Variants in ERN1 observed in about 807,000 individuals in gnomAD.
ERN1 encodes endoplasmic reticulum to nucleus signaling 1, also known as serine/threonine-protein kinase/endoribonuclease IRE1.
Under a neutral mutation model 113.1 loss-of-function variants are expected in ERN1, and 39 were observed. The ratio of observed to expected loss-of-function variants is 0.34; its 90% CI spans 0.27 to 0.45. The LOEUF is 0.45. Among genes scored for constraint, ERN1 ranks in the 20% least tolerant of loss-of-function variants. The pLI, the probability that ERN1 is intolerant of heterozygous loss-of-function variation, is 1.00. For synonymous variants in ERN1, 507 were observed against 515.9 expected, an observed-to-expected ratio of 0.98 and a Z score of 0.23; for missense variants, 976 against 1,274.8, an observed-to-expected ratio of 0.77 and a Z score of 3.57.
intron 8 of ERN1, 21 bp from the exon 9 acceptor site, chr17:64,065,308 T>C (rs942234830): frequency 3.2e-6 from 5 of 1,547,306 alleles, no homozygotes; most frequent in Non-Finnish European, 4.4e-6. Context: ...AACAGATACA[T>C]GCATTCCAGA....
chr17:64,063,018 TC>T lies in ERN1; in HGVS notation c.1087+967del, dbSNP rs1555613944. Among the ~76,000 whole-genome samples the T allele has an allele frequency of 1.3e-5, 2 of 152,234 alleles. No homozygotes were observed. The highest frequency in any genetic ancestry group is 2.9e-5 in the Non-Finnish European group (2 of 68,038). On this transcript the variant is annotated intron_variant, in intron 10 of 21. Coordinates refer to ENST00000433197, the MANE Select transcript of ERN1 (RefSeq NM_001433.5). The surrounding 1 kb of genome is among the most constrained non-coding windows in gnomAD (Gnocchi z 5.1). ...GCACTGCCTGGCAGATCCTGCTGTT[TC>T]CTGGTCCCCACATGCTCCCAGCTGC... is the stretch of plus-strand genomic sequence containing the variant.
In ERN1 at chr17:64,054,216, A is replaced by T. The variant is rs371217073; in HGVS notation, c.1953+34T>A. 38 of 1,557,616 alleles carry T rather than the reference A, an allele frequency of 2.4e-5. No individual in the cohort carries two copies. Among genetic ancestry groups the T allele is most frequent in the African/African-American group, 5.5e-5 (4 of 73,104 alleles). On this transcript the variant is annotated intron_variant, in intron 15 of 21. Transcript: ENST00000433197. The surrounding 1 kb of genome is among the most constrained non-coding windows in gnomAD (Gnocchi z 4.9). Reference sequence around the variant, plus strand: ...TGGCCTCCCAAAGTGCTATGACTTTAATAAAGTTAACAAAATAAAAAAAAT... The same window carrying T: ...TGGCCTCCCAAAGTGCTATGACTTTTATAAAGTTAACAAAATAAAAAAAAT...
At chr17:64,060,808 G>A (rs1312401958) in intron 10 of ERN1, among the ~76,000 whole-genome samples, 1 of 152,208 alleles carries the variant, frequency 6.6e-6, no homozygotes, top group African/African-American at 2.4e-5. Flanking sequence ...GTCTCCTACT[G>A]AGGAGTGAAG....
intron 4 of ERN1, 151 bp downstream of exon 4, chr17:64,079,511 C>T (rs774484449): frequency 9.1e-5 from 53 of 581,276 alleles, no homozygotes; most frequent in Non-Finnish European, 1.5e-4. Context: ...AGACTGATGC[C>T]CAGGCTCCTC....
chr17:64,080,722 T>G (rs575749951), intron 3 of ERN1, 53 bp downstream of exon 3: 3 of 1,559,054 alleles, frequency 1.9e-6, no homozygotes, highest in Non-Finnish European at 2.6e-6. Flanking sequence ...AAACACTGAT[T>G]GAATGAAGAA....
intron 2 of ERN1, among the ~76,000 whole-genome samples, chr17:64,087,607 T>C (rs556966977): frequency 5.9e-5 from 9 of 152,298 alleles, no homozygotes; most frequent in South Asian, 4.1e-4. Context: ...TTACCCCGCA[T>C]TGATAATTAT....
chr17:64,066,159 G>C (rs1962290203), intron 8 of ERN1, among the ~76,000 whole-genome samples: 1 of 152,050 alleles, frequency 6.6e-6, no homozygotes, highest in African/African-American at 2.4e-5. Context: ...CACACACACT[G>C]TAACTATTTT....
At chr17:64,066,598 G>A (rs1350169615) in intron 8 of ERN1, 73 bp downstream of exon 8, 1 of 1,567,002 alleles carries the variant, frequency 6.4e-7, no homozygotes, top group Non-Finnish European at 8.7e-7. Context: ...CCCGTGCAGG[G>A]CCTGCTACAC....
At position 64,064,160 on chromosome 17, in the gene ERN1, A is replaced by G. The variant is rs1217769781; in HGVS notation, c.922-9T>C. ...AGTGTGCTGCCGCGGGGCTGTGGAG[A>G]GGGTGCAGTGAGGGTCAGGAGCCCT... On this transcript the variant is annotated splice_polypyrimidine_tract_variant and intron_variant, in intron 9 of 21. Transcript: ENST00000433197. 1 of 1,584,308 alleles carries G rather than the reference A, an allele frequency of 6.3e-7. No individual in the cohort carries two copies. Among genetic ancestry groups the G allele is most frequent in the East Asian group, 2.3e-5 (1 of 43,504 alleles).
intron 7 of ERN1, 161 bp from the exon 8 acceptor site, chr17:64,067,093 G>A (rs1913253069): frequency 2.7e-6 from 2 of 742,986 alleles, no homozygotes; most frequent in Non-Finnish European, 4.3e-6. Context: ...CAATGAACTC[G>A]CTTAGTCTCT....
chr17:64,051,620 T>C (rs1040246016), intron 17 of ERN1, among the ~76,000 whole-genome samples: 1 of 152,230 alleles, frequency 6.6e-6, no homozygotes, highest in Non-Finnish European at 1.5e-5. Flanking sequence ...TGGGGCATCC[T>C]ATAACCCACT....
In ERN1 at chr17:64,057,747, A is replaced by G; in HGVS notation, c.1398+55T>C. 7 of 1,500,594 alleles carry G rather than the reference A, an allele frequency of 4.7e-6. No homozygotes were observed. The South Asian group carries it at 8.0e-5, about 17-fold the overall frequency. 93.0% of individuals were successfully genotyped at this position (1,500,594 alleles called of 1,614,324 possible). The stretch of plus-strand genomic sequence containing the variant: ...CTGGATCTCACTGACATGAGGCGAC[A>G]GGCAGAGAAGCCCCAGAAATAGGTG... On this transcript the variant is annotated intron_variant, in intron 12 of 21. Transcript: ENST00000433197.
At chr17:64,092,016 C>G (rs1027963027) in intron 2 of ERN1, among the ~76,000 whole-genome samples, 1 of 152,152 alleles carries the variant, frequency 6.6e-6, no homozygotes, top group Non-Finnish European at 1.5e-5. Flanking sequence ...TTTCAGCAGG[C>G]AGGGGTACAG....
chr17:64,066,973 C>A (rs1913250567), intron 7 of ERN1, 41 bp from the exon 8 acceptor site: 1 of 1,597,508 alleles, frequency 6.3e-7, no homozygotes, highest in African/African-American at 1.3e-5. Flanking sequence ...AGTCTCACCC[C>A]ATCTTGCAAC....
chr17:64,090,172 G>A (rs1040504963), intron 2 of ERN1, among the ~76,000 whole-genome samples: 1 of 151,948 alleles, frequency 6.6e-6, no homozygotes, highest in African/African-American at 2.4e-5. Flanking sequence ...CATGAGGAAA[G>A]CATTTTTTTT....
At chr17:64,092,354 T>C (rs944757031) in intron 2 of ERN1, among the ~76,000 whole-genome samples, 5 of 152,158 alleles carry the variant, frequency 3.3e-5, no homozygotes, top group Admixed American at 1.3e-4. Flanking sequence ...GGCACATGTT[T>C]AGAAAGAGAC....
At chr17:64,045,521 T>C (rs1446807702) in intron 19 of ERN1, 39 bp from the exon 20 acceptor site, 2 of 1,613,018 alleles carry the variant, frequency 1.2e-6, no homozygotes, top group Non-Finnish European at 1.7e-6. Context: ...TGGTCAGTGC[T>C]GGAGATGCTG....
At chr17:64,082,402 C>T (rs967089329) in intron 2 of ERN1, among the ~76,000 whole-genome samples, 11 of 152,222 alleles carry the variant, frequency 7.2e-5, no homozygotes, top group African/African-American at 2.7e-4. Flanking sequence ...ACAAGCTAGT[C>T]AAGGTGCAAT....
chr17:64,068,412 C>G lies in ERN1; in HGVS notation c.479-121G>C. The G allele has an allele frequency of 5.8e-6, 4 of 685,968 alleles. No individual in the cohort carries two copies. The Admixed American group carries it at 7.2e-5, about 12-fold the overall frequency. 42.5% of individuals were successfully genotyped at this position (685,968 alleles called of 1,614,324 possible). On this transcript the variant is annotated intron_variant, in intron 6 of 21. Transcript: ENST00000433197. Reference sequence around the variant, plus strand: ...TAAACTGTAGGCCAAAAAGTCCAGACTATCCATGTCGATAGAGAAAGGCAA... The same window carrying G: ...TAAACTGTAGGCCAAAAAGTCCAGAGTATCCATGTCGATAGAGAAAGGCAA...
Sources: allele counts gnomAD v4.1 joint callset (sites outside exome capture counted in the v4.1 genomes callset), GRCh38; gene constraint gnomAD v4.1.1; non-coding constraint Gnocchi (gnomAD v3.1); transcripts MANE v1.5; gene names NCBI Gene and HGNC (gene_info 2026-07-23, HGNC 2026-07-21).